Variants in CSMD1 observed in about 807,000 individuals in gnomAD.
The protein encoded by CSMD1 is CUB and Sushi multiple domains 1, also known as CUB and sushi domain-containing protein 1.
Under a neutral mutation model 417.5 loss-of-function variants are expected in CSMD1, and 213 were observed. The observed-to-expected ratio is 0.51, with a 90% CI of 0.46 to 0.57. The LOEUF is 0.57. Among genes scored for constraint, CSMD1 ranks in the 20% least tolerant of loss-of-function variants. CSMD1 has a pLI of 0.00. For synonymous variants in CSMD1, 2,862 were observed against 1,736.8 expected (o/e 1.65, Z -16.11); for missense variants, 6,923 against 4,529.7 (o/e 1.53, Z -15.17).
intron 1 of CSMD1, among the ~76,000 whole-genome samples, chr8:4,983,840 T>C (rs935251100): frequency 1.5e-5 from 1 of 68,010 alleles, no homozygotes; most frequent in African/African-American, 1.4e-4. Flanking sequence ...GATCAACATA[T>C]GATAGAACTA....
intron 11 of CSMD1, among the ~76,000 whole-genome samples, chr8:3,487,096 G>A (rs1029538906): frequency 3.3e-5 from 5 of 152,182 alleles, no homozygotes; most frequent in African/African-American, 1.2e-4. Flanking sequence ...ATTACTACAG[G>A]AGAAGGCTAA....
At chr8:4,226,387 C>T (rs574264796) in intron 3 of CSMD1, among the ~76,000 whole-genome samples, 2 of 152,102 alleles carry the variant, frequency 1.3e-5, no homozygotes, top group Non-Finnish European at 2.9e-5. Context: ...AATTACAACC[C>T]TCTCTGAAAA....
intron 10 of CSMD1, among the ~76,000 whole-genome samples, chr8:3,495,170 G>A (rs1427678955): frequency 6.6e-6 from 1 of 152,188 alleles, no homozygotes; most frequent in Non-Finnish European, 1.5e-5. Flanking sequence ...TATAAATACT[G>A]CATGTTAAAC....
At chr8:2,963,194 G>A (rs757835024) in intron 60 of CSMD1, 28 bp downstream of exon 60, 1 of 1,611,786 alleles carries the variant, frequency 6.2e-7, no homozygotes, top group South Asian at 1.1e-5. Flanking sequence ...CCTGCAGTGG[G>A]CGGAACAAAT....
chr8:4,708,666 C>T (rs538999347), intron 1 of CSMD1, among the ~76,000 whole-genome samples: 16 of 151,066 alleles, frequency 1.1e-4, no homozygotes, highest in Non-Finnish European at 1.9e-4. Flanking sequence ...ACCATCCTAA[C>T]CAGATTCATT....
At chr8:4,800,920 A>G (rs1798250418) in intron 1 of CSMD1, among the ~76,000 whole-genome samples, 2 of 152,222 alleles carry the variant, frequency 1.3e-5, no homozygotes, top group Admixed American at 6.5e-5. Context: ...ATTCTGTAAT[A>G]TCGGAAATAA....
intron 1 of CSMD1, among the ~76,000 whole-genome samples, chr8:4,747,626 A>G (rs910565278): frequency 6.6e-6 from 1 of 152,180 alleles, no homozygotes; most frequent in Admixed American, 6.5e-5. Flanking sequence ...TGGAGTTAGC[A>G]TCATTATCAA....
chr8:3,111,607 G>A (rs1816520086), intron 42 of CSMD1, among the ~76,000 whole-genome samples: 1 of 152,060 alleles, frequency 6.6e-6, no homozygotes, highest in South Asian at 2.1e-4. Context: ...TGAGGTGGGT[G>A]GATCACCTGA....
chr8:4,001,958 T>C (rs372405089), intron 4 of CSMD1, among the ~76,000 whole-genome samples: 11 of 152,292 alleles, frequency 7.2e-5, no homozygotes, highest in Non-Finnish European at 1.3e-4. Context: ...TTAATGTCCA[T>C]AGAATATTCC....
At chr8:4,271,020 A>C (rs1482785965) in intron 3 of CSMD1, among the ~76,000 whole-genome samples, 4 of 152,192 alleles carry the variant, frequency 2.6e-5, no homozygotes, top group Non-Finnish European at 5.9e-5. Flanking sequence ...AGCAGGTCCT[A>C]GTGGGAAGAG....
At chr8:3,740,348 C>T (rs776922681) in intron 6 of CSMD1, among the ~76,000 whole-genome samples, 26 of 152,142 alleles carry the variant, frequency 1.7e-4, no homozygotes, top group Non-Finnish European at 3.2e-4. Context: ...TCAAATGATC[C>T]GCCTTCCTTT....
chr8:3,541,072 A>C (rs1319421432), intron 10 of CSMD1, among the ~76,000 whole-genome samples: 1 of 152,242 alleles, frequency 6.6e-6, no homozygotes, highest in South Asian at 2.1e-4. Context: ...ATAAAGATAC[A>C]TGCACATGTA....
chr8:3,409,961 T>G (rs1051297911), intron 12 of CSMD1, among the ~76,000 whole-genome samples: 2 of 152,228 alleles, frequency 1.3e-5, no homozygotes, highest in African/African-American at 4.8e-5. Context: ...AATTTTCAAC[T>G]ATGTGCTTTT....
At chr8:3,593,778 T>C (rs1412700459) in intron 8 of CSMD1, among the ~76,000 whole-genome samples, 2 of 152,180 alleles carry the variant, frequency 1.3e-5, no homozygotes, top group Non-Finnish European at 2.9e-5. Context: ...ATAACACTGC[T>C]ATCCTTATTA....
chr8:4,407,497 A>G (rs1375772633), intron 3 of CSMD1, among the ~76,000 whole-genome samples: 3 of 152,280 alleles, frequency 2.0e-5, no homozygotes, highest in East Asian at 1.9e-4. Context: ...ATTTCATTGT[A>G]CTCTGTTGTA....
chr8:4,777,774 G>C (rs1251945670), intron 1 of CSMD1, among the ~76,000 whole-genome samples: 1 of 152,134 alleles, frequency 6.6e-6, no homozygotes, highest in African/African-American at 2.4e-5. Context: ...TACACAAAAA[G>C]AAGTCAAAGA....
intron 3 of CSMD1, among the ~76,000 whole-genome samples, chr8:4,084,155 C>T (rs57601830): frequency 0.025 from 3,792 of 152,028 alleles, 157 homozygotes; most frequent in African/African-American, 0.087. Flanking sequence ...TTTATAAAAG[C>T]AGAATAATTA....
At chr8:3,652,619 G>A (rs1009309016) in intron 7 of CSMD1, among the ~76,000 whole-genome samples, 42 of 152,222 alleles carry the variant, frequency 2.8e-4, no homozygotes, top group African/African-American at 9.6e-4. Context: ...CTCGCGCAAG[G>A]GAGCTCCCAT....
intron 12 of CSMD1, among the ~76,000 whole-genome samples, chr8:3,440,445 G>A (rs1814898685): frequency 1.3e-5 from 2 of 152,260 alleles, no homozygotes; most frequent in African/African-American, 4.8e-5. Flanking sequence ...GTGTTCACGT[G>A]TTCATATTAT....
Sources: allele counts gnomAD v4.1 joint callset (sites outside exome capture counted in the v4.1 genomes callset), GRCh38; gene constraint gnomAD v4.1.1; transcripts MANE v1.5; gene names NCBI Gene and HGNC (gene_info 2026-07-23, HGNC 2026-07-21).